The following RICTOR variants were observed in gnomAD, a reference collection of about 807,000 sequenced individuals.
RICTOR encodes RPTOR independent companion of MTOR complex 2, also known as rapamycin-insensitive companion of mTOR.
A neutral mutation model predicts 214.9 loss-of-function variants in RICTOR; 49 were observed. The observed-to-expected ratio is 0.23, with a 90% CI of 0.18 to 0.29. RICTOR has a LOEUF of 0.29. RICTOR is among the 10% of genes least tolerant of loss of function. The pLI, the probability that RICTOR is intolerant of heterozygous loss-of-function variation, is 1.00. For missense variants in RICTOR, 1,625 were observed against 2,047.0 expected (o/e 0.79, Z 3.98); for synonymous variants, 717 against 711.3 (o/e 1.01, Z -0.13).
chr5:39,013,597 G>A (rs1271167086), intron 3 of RICTOR, among the ~76,000 whole-genome samples: 1 of 151,976 alleles, frequency 6.6e-6, no homozygotes, highest in Non-Finnish European at 1.5e-5. Context: ...TACTCTGAAG[G>A]TTAAATAGTT....
At chr5:39,065,593 C>A (rs1238331896) in intron 2 of RICTOR, among the ~76,000 whole-genome samples, 1 of 152,220 alleles carries the variant, frequency 6.6e-6, no homozygotes, top group Admixed American at 6.5e-5. Context: ...CAAGTCCCTT[C>A]CACTTATGAG....
intron 27 of RICTOR, among the ~76,000 whole-genome samples, chr5:38,954,426 T>G (rs900487319): frequency 4.0e-5 from 6 of 151,888 alleles, no homozygotes; most frequent in African/African-American, 1.4e-4. Flanking sequence ...TCCCAATGAG[T>G]GGAAGAAAAA....
intron 2 of RICTOR, among the ~76,000 whole-genome samples, chr5:39,032,394 T>C (rs1756338375): frequency 6.6e-6 from 1 of 152,164 alleles, no homozygotes; most frequent in Non-Finnish European, 1.5e-5. Flanking sequence ...TGTCAATCAA[T>C]TACAATGGCA....
At chr5:39,028,806 G>A (rs1756056996) in intron 2 of RICTOR, among the ~76,000 whole-genome samples, 1 of 152,164 alleles carries the variant, frequency 6.6e-6, no homozygotes, top group African/African-American at 2.4e-5. Flanking sequence ...GCTGAGGCAG[G>A]AGGATCCCTT....
intron 2 of RICTOR, among the ~76,000 whole-genome samples, chr5:39,050,375 C>A (rs1438900156): frequency 6.6e-6 from 1 of 151,810 alleles, no homozygotes; most frequent in African/African-American, 2.4e-5. Flanking sequence ...CTCTCTCTGT[C>A]TCCCAGGCTG....
rs201948705 is a variant in RICTOR at position 38,942,362 on chromosome 5, T to C, written c.5069A>G (p.Glu1690Gly). 11 of 1,593,222 alleles carry C rather than the reference T, an allele frequency of 6.9e-6. No homozygotes were observed. The highest frequency in any genetic ancestry group is 1.7e-5 in the Admixed American group (1 of 59,936). ...CTTTGGTGGTGTTGCCAACACAGCC[T>C]CTGCTTCTTCATGCATCTAGGGAAA... ...VQFLQMHEEA[E>G]AVLATPPKQP... The change falls in exon 38 of 38, where the codon GAG (glutamate) becomes GGG (glycine). Residue 1690 changes from glutamate to glycine, a missense_variant. Glu to Gly is a moderately conservative substitution (Grantham distance 98). Transcript: ENST00000357387.
rs553840768 is a variant in RICTOR, at chr5:39,070,588, C to T, written c.97+3523G>A. Among the ~76,000 whole-genome samples the T allele has an allele frequency of 2.6e-5, 4 of 151,924 alleles. 1 individual carries two copies. Among genetic ancestry groups the T allele is most frequent in the Admixed American group, 2.0e-4 (3 of 15,282 alleles). Reference sequence around the variant, plus strand: ...TCAGTTTTTTAGTTCTTAGTGGAAACGTAAAGGAGTTAATCAAAAATTATA... The same window carrying T: ...TCAGTTTTTTAGTTCTTAGTGGAAATGTAAAGGAGTTAATCAAAAATTATA... On this transcript the variant is annotated intron_variant, in intron 2 of 37. Coordinates refer to ENST00000357387, the MANE Select transcript of RICTOR (RefSeq NM_152756.5).
chr5:38,987,260 C>A (rs911084583), intron 7 of RICTOR, among the ~76,000 whole-genome samples: 14 of 152,144 alleles, frequency 9.2e-5, no homozygotes, highest in Non-Finnish European at 1.5e-4. Flanking sequence ...GAAGGAGTTC[C>A]ACTTTTTCTA....
At chr5:38,965,905 T>C (rs1750176184) in intron 15 of RICTOR, among the ~76,000 whole-genome samples, 1 of 152,128 alleles carries the variant, frequency 6.6e-6, no homozygotes, top group Non-Finnish European at 1.5e-5. Flanking sequence ...ATAGAATCAA[T>C]TCTTCCTTAA....
chr5:38,990,989 G>A lies in RICTOR; in HGVS notation c.543C>T (p.Asp181=). The A allele has an allele frequency of 6.2e-7, 1 of 1,607,710 alleles. No homozygotes were observed. Among genetic ancestry groups the A allele is most frequent in the Non-Finnish European group, 8.5e-7 (1 of 1,176,142 alleles). ...TGGCAATGCATGCTCGGACCATTCTGTCTCTTTCTTGAAGTCCATCATTTC... is the reference window on the plus strand; with the variant it reads ...TGGCAATGCATGCTCGGACCATTCTATCTCTTTCTTGAAGTCCATCATTTC... ...AVGNDGLQER[D]RMVRACIAII... Residue 181 remains aspartate (D), a synonymous_variant, in exon 7 of 38, where the codon GAC becomes GAT. Transcript: ENST00000357387.
At position 38,950,353 on chromosome 5, in the gene RICTOR, C is replaced by T. The variant is rs2112854782; in HGVS notation, c.3495G>A (p.Gly1165=). The change falls in exon 31 of 38, where the codon GGG becomes GGA. Residue 1165 remains glycine (G), a synonymous_variant. Coordinates refer to ENST00000357387, the MANE Select transcript of RICTOR (RefSeq NM_152756.5). ...KTLQLETSFM[G]NKHIEDTGST... ...TACCAGTGTCTTCAATGTGCTTATT[C>T]CCCATAAATGAAGTCTCTAATTGTA... 6.2e-7 allele frequency: 1 copy of T among 1,613,216 alleles called. No individual in the cohort carries two copies. Among genetic ancestry groups the T allele is most frequent in the East Asian group, 2.2e-5 (1 of 44,860 alleles).
intron 2 of RICTOR, among the ~76,000 whole-genome samples, chr5:39,055,853 T>C (rs1758173686): frequency 6.6e-6 from 1 of 151,982 alleles, no homozygotes; most frequent in Non-Finnish European, 1.5e-5. Context: ...GGAAAGATAA[T>C]AAGGGCCTGA....
At chr5:38,981,695 A>G in intron 8 of RICTOR, 172 bp downstream of exon 8, 1 of 465,436 alleles carries the variant, frequency 2.1e-6, no homozygotes, top group Non-Finnish European at 3.8e-6. Flanking sequence ...TAATGTTTTC[A>G]ATTCAGTCCA....
At chr5:38,954,237 T>C (rs1046097714) in intron 27 of RICTOR, among the ~76,000 whole-genome samples, 1 of 152,066 alleles carries the variant, frequency 6.6e-6, no homozygotes, top group South Asian at 2.1e-4. Flanking sequence ...TTGGAAACAG[T>C]TGCATGACAT....
intron 15 of RICTOR, among the ~76,000 whole-genome samples, chr5:38,965,542 A>G (rs1480883564): frequency 1.3e-5 from 2 of 152,030 alleles, no homozygotes; most frequent in Non-Finnish European, 2.9e-5. Context: ...TAAAATGTAT[A>G]GAGATTCCTT....
chr5:39,041,580 G>A (rs1354748759), intron 2 of RICTOR, among the ~76,000 whole-genome samples: 2 of 151,974 alleles, frequency 1.3e-5, no homozygotes, highest in Admixed American at 6.6e-5. Flanking sequence ...ACTTAATAAC[G>A]GCTTAGAGAT....
At chr5:39,003,649 AT>A in intron 3 of RICTOR, 27 bp from the exon 4 acceptor site, 2 of 1,481,618 alleles carry the variant, frequency 1.3e-6, no homozygotes, top group Non-Finnish European at 1.9e-6. Context: ...ATAAGTGTGC[AT>A]TTATGTGTTG....
intron 7 of RICTOR, among the ~76,000 whole-genome samples, chr5:38,985,594 A>G (rs1241061958): frequency 6.6e-6 from 1 of 152,134 alleles, no homozygotes; most frequent in Non-Finnish European, 1.5e-5. Context: ...TGATAACTCA[A>G]AACTCCTTTT....
rs2150105669 is a variant in RICTOR, at chr5:39,002,604, C to T, written c.323G>A (p.Arg108Gln). Residue 108 changes from arginine to glutamine, a missense_variant, in exon 5 of 38, where the codon CGA (arginine) becomes CAA (glutamine). By Grantham distance (43) the Arg-to-Gln change is conservative (BLOSUM62 1). Transcript: ENST00000357387. ...AATACTGGAGTCTTGGATGAGATAT[C>T]GAAGCGCTCGTAGCCCTGCTGCTCG... ...EVRAAGLRAL[R>Q]YLIQDSSILQ... The T allele has an allele frequency of 1.2e-6, 2 of 1,611,508 alleles. No homozygotes were observed. The highest frequency in any genetic ancestry group is 1.7e-6 in the Non-Finnish European group (2 of 1,178,336).
Sources: allele counts gnomAD v4.1 joint callset (sites outside exome capture counted in the v4.1 genomes callset), GRCh38; gene constraint gnomAD v4.1.1; transcripts MANE v1.5; gene names NCBI Gene and HGNC (gene_info 2026-07-23, HGNC 2026-07-21).